Variants in PKHD1 observed in about 807,000 individuals in gnomAD.
PKHD1 encodes the protein PKHD1 ciliary IPT domain containing fibrocystin/polyductin.
A neutral mutation model predicts 412.0 loss-of-function variants in PKHD1; 291 were observed. The ratio of observed to expected loss-of-function variants is 0.71; its 90% CI spans 0.64 to 0.78. PKHD1 has a LOEUF of 0.78. Among genes scored for constraint, PKHD1 ranks in the 30% least tolerant of loss-of-function variants. The pLI is 0.00. For missense variants in PKHD1, 4,825 were observed against 4,950.7 expected (o/e 0.97, Z 0.76); for synonymous variants, 1,777 against 1,821.5 (o/e 0.98, Z 0.62).
intron 52 of PKHD1, among the ~76,000 whole-genome samples, chr6:51,801,335 G>T (rs1413629053): frequency 6.6e-6 from 1 of 152,144 alleles, no homozygotes; most frequent in South Asian, 2.1e-4. Flanking sequence ...AATTTACTGA[G>T]ATGATGGTAT....
At chr6:51,675,666 C>T (rs558645335) in intron 60 of PKHD1, among the ~76,000 whole-genome samples, 24 of 152,292 alleles carry the variant, frequency 1.6e-4, no homozygotes, top group African/African-American at 5.8e-4. Context: ...CCACAGCTGA[C>T]TTTCATAATC....
At chr6:51,945,766 C>T (rs1402973559) in intron 36 of PKHD1, among the ~76,000 whole-genome samples, 1 of 152,130 alleles carries the variant, frequency 6.6e-6, no homozygotes, top group African/African-American at 2.4e-5. Context: ...TTTCACAGAG[C>T]AGAATGTGGC....
chr6:52,066,689 C>A (rs1032094883), intron 11 of PKHD1, among the ~76,000 whole-genome samples: 10 of 152,106 alleles, frequency 6.6e-5, no homozygotes, highest in East Asian at 1.9e-4. Context: ...CACCTGAGGT[C>A]AGGAGTTTGA....
At chr6:51,880,866 T>G (rs950049901) in intron 46 of PKHD1, among the ~76,000 whole-genome samples, 3 of 141,776 alleles carry the variant, frequency 2.1e-5, no homozygotes, top group Non-Finnish European at 4.5e-5. Context: ...CTCAGGAGGC[T>G]GAGGCAGGAG....
chr6:52,022,894 C>T lies in PKHD1; in HGVS notation c.5287G>A (p.Gly1763Arg). 6.2e-7 allele frequency: 1 copy of T among 1,614,174 alleles called. No individual in the cohort carries two copies. Among genetic ancestry groups the T allele is most frequent in the Non-Finnish European group, 8.5e-7 (1 of 1,180,022 alleles). The change falls in exon 33 of 67, where the codon GGG becomes AGG. Residue 1763 changes from glycine to arginine, a missense_variant. By Grantham distance (125) the Gly-to-Arg change is moderately radical (BLOSUM62 -2). Coordinates refer to ENST00000371117, the MANE Select transcript of PKHD1 (RefSeq NM_138694.4). ...CCACACACAGCAGCTGAGACATTCC[C>T]TGGAGAAAATCCCGCTCCAAACACA... ...VHVFGAGFSP[G>R]NVSAAVCGAP...
At chr6:51,827,048 G>A (rs1246070367) in intron 52 of PKHD1, among the ~76,000 whole-genome samples, 1 of 152,166 alleles carries the variant, frequency 6.6e-6, no homozygotes, top group African/African-American at 2.4e-5. Context: ...AATTATATTA[G>A]AGGTTCAAAA....
chr6:51,959,562 G>A (rs1234186140), intron 36 of PKHD1, among the ~76,000 whole-genome samples: 2 of 152,080 alleles, frequency 1.3e-5, no homozygotes, highest in Non-Finnish European at 2.9e-5. Flanking sequence ...TATTGTGGGG[G>A]CTGTCCTGGA....
At position 52,062,594 on chromosome 6, in the gene PKHD1, G is replaced by C; in HGVS notation, c.1043C>G (p.Pro348Arg). 1 of 1,613,846 alleles carries C rather than the reference G, an allele frequency of 6.2e-7. No homozygotes were observed. The highest frequency in any genetic ancestry group is 8.5e-7 in the Non-Finnish European group (1 of 1,179,732). Residue 348 changes from proline to arginine, a missense_variant, in exon 14 of 67, where the codon CCA (proline) becomes CGA (arginine). Coordinates refer to ENST00000371117, the MANE Select transcript of PKHD1 (RefSeq NM_138694.4). Reference sequence around the variant, plus strand: ...AGGGACAATCTGCCACCTGTACCCTGGGGTGGCTTCAGTCAGTTCCAGTCC... The same window carrying C: ...AGGGACAATCTGCCACCTGTACCCTCGGGTGGCTTCAGTCAGTTCCAGTCC... Reference protein sequence around the residue: ...VEGLELTEATPGYRWQIVPNA... With the variant: ...VEGLELTEATRGYRWQIVPNA...
chr6:52,058,292 C>A (rs768484779), intron 16 of PKHD1, 31 bp downstream of exon 16: 88 of 1,612,024 alleles, frequency 5.5e-5, no homozygotes, highest in Non-Finnish European at 7.5e-5. Flanking sequence ...TTCCAGAGTT[C>A]AGCTCCATGG....
chr6:51,619,545 G>T, intron 66 of PKHD1, 25 bp from the exon 67 acceptor site: 2 of 1,588,826 alleles, frequency 1.3e-6, no homozygotes, highest in Non-Finnish European at 1.7e-6. Context: ...AATAGGGGAA[G>T]AAATGGATTT....
At position 51,992,257 on chromosome 6, in the gene PKHD1, TTACAA is replaced by T. The variant is rs1797128466; in HGVS notation, c.5751+18047_5751+18051del. ...TATTATTAGTAGTAGTAGTAGTTCT[TTACAA>T]TAAAATACAGAAATATGCTTCTCTA... On this transcript the variant is annotated intron_variant, in intron 35 of 66. Coordinates refer to ENST00000371117, the MANE Select transcript of PKHD1 (RefSeq NM_138694.4). Among the ~76,000 whole-genome samples, 5 of 152,350 alleles carry T rather than the reference TTACAA, an allele frequency of 3.3e-5. No homozygotes were observed. The South Asian group carries it at 1.0e-3, about 32-fold the overall frequency.
At chr6:51,713,423 ACTC>A (rs1780876976) in intron 60 of PKHD1, among the ~76,000 whole-genome samples, 1 of 151,930 alleles carries the variant, frequency 6.6e-6, no homozygotes, top group Admixed American at 6.6e-5. Context: ...ATTTTCCTTG[ACTC>A]CTCCTCCTCT....
chr6:51,681,514 T>G (rs1214810418), intron 60 of PKHD1, among the ~76,000 whole-genome samples: 1 of 152,086 alleles, frequency 6.6e-6, no homozygotes, highest in Non-Finnish European at 1.5e-5. Context: ...TAATCAAGCA[T>G]GTAGATCTGT....
At chr6:52,065,360 C>T (rs1180302326) in intron 12 of PKHD1, among the ~76,000 whole-genome samples, 3 of 151,608 alleles carry the variant, frequency 2.0e-5, no homozygotes, top group Non-Finnish European at 2.9e-5. Context: ...CATAGGGCAG[C>T]GTGGAGTATT....
chr6:51,911,016 T>C (rs1782860455), intron 39 of PKHD1, among the ~76,000 whole-genome samples: 1 of 152,052 alleles, frequency 6.6e-6, no homozygotes, highest in Non-Finnish European at 1.5e-5. Context: ...CCTGCTGGCA[T>C]CTCAGTTATG....
intron 27 of PKHD1, among the ~76,000 whole-genome samples, chr6:52,036,990 C>T (rs1581877908): frequency 6.6e-6 from 1 of 151,914 alleles, no homozygotes. Context: ...AACAAAATTT[C>T]AAAAAGAAGT....
intron 39 of PKHD1, among the ~76,000 whole-genome samples, chr6:51,910,577 G>T (rs1203942190): frequency 6.6e-6 from 1 of 152,088 alleles, no homozygotes; most frequent in Non-Finnish European, 1.5e-5. Flanking sequence ...GATTTGTGAT[G>T]CAATCAAGGA....
chr6:51,851,029 G>C lies in PKHD1; in HGVS notation c.7912-3059C>G, dbSNP rs187109320. 1.5e-3 allele frequency among the ~76,000 whole-genome samples: 232 copies of C among 152,182 alleles called. 2 individuals are homozygous for C. Among genetic ancestry groups the C allele is most frequent in the African/African-American group, 5.3e-3 (219 of 41,534 alleles). ...CCCATTCAATATGACATTTGTTGTG[G>C]GTTGGTCATAAATAGCTGTTATTAT... On this transcript the variant is annotated intron_variant, in intron 49 of 66. Transcript: ENST00000371117.
chr6:51,748,439 A>G lies in PKHD1; in HGVS notation c.9177T>C (p.Thr3059=), dbSNP rs1474156914. The change falls in exon 58 of 67, where the codon ACT becomes ACC. Residue 3059 remains threonine (T), a synonymous_variant. Coordinates refer to ENST00000371117, the MANE Select transcript of PKHD1 (RefSeq NM_138694.4). The part of the protein sequence containing the change: ...HGIDLEGQAY[T]VTNNLVVLMT... ...TCAGAACCACAAGGTTATTAGTGAC[A>G]GTATAGGCCTGACCCTCTAAATCTA... is the stretch of plus-strand genomic sequence containing the variant. 2.5e-6 allele frequency: 4 copies of G among 1,614,058 alleles called. No homozygotes were observed. The highest frequency in any genetic ancestry group is 3.4e-6 in the Non-Finnish European group (4 of 1,179,950).
Sources: allele counts gnomAD v4.1 joint callset (sites outside exome capture counted in the v4.1 genomes callset), GRCh38; gene constraint gnomAD v4.1.1; transcripts MANE v1.5; gene names NCBI Gene and HGNC (gene_info 2026-07-23, HGNC 2026-07-21).